Variants in TCF12 observed in about 807,000 individuals in gnomAD.
The protein encoded by TCF12 is transcription factor 12, also known as DNA-binding protein HTF4.
Under a neutral mutation model 86.0 loss-of-function variants are expected in TCF12, and 45 were observed. The observed-to-expected ratio is 0.52, with a 90% CI of 0.41 to 0.67. The LOEUF (loss-of-function observed/expected upper bound fraction) is 0.67, where lower values mean the gene tolerates loss of function less well. TCF12 is among the 30% of genes least tolerant of loss of function. The pLI is 0.00. For synonymous variants in TCF12, 330 were observed against 299.6 expected (o/e 1.10, Z -1.05); for missense variants, 881 against 859.9 (o/e 1.02, Z -0.31).
At chr15:57,246,273 C>T (rs1017182439) in intron 13 of TCF12, among the ~76,000 whole-genome samples, 1 of 152,070 alleles carries the variant, frequency 6.6e-6, no homozygotes, top group Admixed American at 6.6e-5. Context: ...TCTTTAAATC[C>T]CCAGTGTTTT....
At chr15:57,137,611 A>G (rs1452709274) in intron 5 of TCF12, among the ~76,000 whole-genome samples, 3 of 152,244 alleles carry the variant, frequency 2.0e-5, no homozygotes, top group Non-Finnish European at 2.9e-5. Context: ...TCCATAATAC[A>G]GTGACTCTGC....
rs192949378 is a variant in TCF12 at position 56,935,062 on chromosome 15, C to T, written c.148+13964C>T. Among the ~76,000 whole-genome samples, 9 of 152,242 alleles carry T rather than the reference C, an allele frequency of 5.9e-5. No homozygotes were observed. The East Asian group carries it at 1.2e-3, about 20-fold the overall frequency. On this transcript the variant is annotated intron_variant, in intron 3 of 20. Coordinates refer to ENST00000333725, the MANE Select transcript of TCF12 (RefSeq NM_207037.2). ...ACAGCAAAACTAAAGACCTTGGAAA[C>T]GGATAGTGAGGGTTCTTGAATATAA...
chr15:57,000,675 TA>T (rs1235834809), intron 3 of TCF12, among the ~76,000 whole-genome samples: 2 of 152,102 alleles, frequency 1.3e-5, no homozygotes, highest in Non-Finnish European at 2.9e-5. Flanking sequence ...TCAGTGAACA[TA>T]AAAACTGGTT....
intron 5 of TCF12, among the ~76,000 whole-genome samples, chr15:57,142,875 G>A (rs146915378): frequency 1.7e-4 from 26 of 152,046 alleles, no homozygotes; most frequent in Non-Finnish European, 3.1e-4. Context: ...ATAAATTGAG[G>A]GACATTCTAA....
At chr15:57,150,807 T>C (rs933691510) in intron 5 of TCF12, among the ~76,000 whole-genome samples, 3 of 152,058 alleles carry the variant, frequency 2.0e-5, no homozygotes, top group African/African-American at 7.2e-5. Flanking sequence ...ATGAATGCTA[T>C]GAAAAAAACG....
chr15:57,197,838 C>G lies in TCF12; in HGVS notation c.579+13C>G, dbSNP rs766480456. 7 of 1,612,684 alleles carry G rather than the reference C, an allele frequency of 4.3e-6. No individual in the cohort carries two copies. The Admixed American group carries it at 1.0e-4, about 23-fold the overall frequency. ...TTTGCCTTCTTCTGTAAGTACCTAT[C>G]TTTTTTTAACTTGATGGTAAACAAA... On this transcript the variant is annotated intron_variant, in intron 8 of 20. Coordinates refer to ENST00000333725, the MANE Select transcript of TCF12 (RefSeq NM_207037.2).
At chr15:57,199,905 A>G (rs1388154547) in intron 8 of TCF12, among the ~76,000 whole-genome samples, 1 of 152,050 alleles carries the variant, frequency 6.6e-6, no homozygotes, top group Non-Finnish European at 1.5e-5. Context: ...TTTTTGAGGC[A>G]GGATCTCACT....
intron 3 of TCF12, among the ~76,000 whole-genome samples, chr15:56,965,234 G>A (rs1178088657): frequency 2.6e-5 from 4 of 152,056 alleles, no homozygotes; most frequent in Non-Finnish European, 4.4e-5. Flanking sequence ...ATTATATTAT[G>A]CTCTTCTATT....
intron 8 of TCF12, among the ~76,000 whole-genome samples, chr15:57,216,253 G>A (rs1274739508): frequency 6.6e-6 from 1 of 152,058 alleles, no homozygotes; most frequent in East Asian, 1.9e-4. Flanking sequence ...TTTTGTCAGG[G>A]TCCTCTGGCA....
chr15:57,262,007 C>G, intron 16 of TCF12, 87 bp from the exon 17 acceptor site: 1 of 827,422 alleles, frequency 1.2e-6, no homozygotes, highest in Non-Finnish European at 1.9e-6. Flanking sequence ...ACTGTTTTCT[C>G]TATTAAACCT....
chr15:56,948,923 A>AT (rs2061139148), intron 3 of TCF12, among the ~76,000 whole-genome samples: 1 of 152,214 alleles, frequency 6.6e-6, no homozygotes, highest in African/African-American at 2.4e-5. Context: ...ACAAGGCCAC[A>AT]TATCAGATTA....
chr15:56,974,788 A>T (rs577061758), intron 3 of TCF12, among the ~76,000 whole-genome samples: 21 of 151,368 alleles, frequency 1.4e-4, no homozygotes, highest in Non-Finnish European at 1.0e-4. Flanking sequence ...CTAATTTCGT[A>T]TTTTTTTTTC....
intron 4 of TCF12, among the ~76,000 whole-genome samples, chr15:57,064,308 T>C (rs965151624): frequency 2.6e-5 from 4 of 152,018 alleles, no homozygotes; most frequent in African/African-American, 9.7e-5. Context: ...TAAGAGAAAA[T>C]AGGACCAAGT....
At chr15:56,947,046 C>T (rs2140408387) in intron 3 of TCF12, among the ~76,000 whole-genome samples, 1 of 152,280 alleles carries the variant, frequency 6.6e-6, no homozygotes, top group African/African-American at 2.4e-5. Flanking sequence ...GATCTGCCTT[C>T]CTCGGCTTCG....
intron 3 of TCF12, among the ~76,000 whole-genome samples, chr15:57,039,304 A>C (rs572225046): frequency 6.6e-6 from 1 of 152,068 alleles, no homozygotes; most frequent in Non-Finnish European, 1.5e-5. Flanking sequence ...TTTTTCTTAC[A>C]TATCTGTTCA....
At chr15:57,023,095 T>C (rs1195789052) in intron 3 of TCF12, among the ~76,000 whole-genome samples, 1 of 152,180 alleles carries the variant, frequency 6.6e-6, no homozygotes, top group African/African-American at 2.4e-5. Flanking sequence ...ATTTTTGTTT[T>C]GGTTGACATA....
chr15:57,181,551 T>TA (rs34096917), intron 6 of TCF12, among the ~76,000 whole-genome samples: 1 of 152,088 alleles, frequency 6.6e-6, no homozygotes, highest in East Asian at 1.9e-4. Context: ...GAGTTCCCAT[T>TA]AAAAAAAGGA....
At chr15:57,051,307 C>G (rs2067596653) in intron 3 of TCF12, among the ~76,000 whole-genome samples, 2 of 152,108 alleles carry the variant, frequency 1.3e-5, no homozygotes, top group African/African-American at 2.4e-5. Context: ...AGTTGGGATT[C>G]TTGTATTCTT....
At chr15:57,221,407 T>TGTGTGTGTGC (rs2058588215) in intron 8 of TCF12, among the ~76,000 whole-genome samples, 1 of 151,222 alleles carries the variant, frequency 6.6e-6, no homozygotes, top group Admixed American at 6.6e-5. Context: ...TGTGTGTGTG[T>TGTGTGTGTGC]GTGTGCACGT....
Sources: gnomAD v4.1 joint callset for allele counts (sites outside exome capture counted in the v4.1 genomes callset) on GRCh38, gnomAD v4.1.1 for gene constraint, MANE v1.5 for transcripts, NCBI Gene and HGNC (gene_info 2026-07-23, HGNC 2026-07-21) for gene names.